The following GPC6 variants were observed in gnomAD, a reference collection of about 807,000 sequenced individuals.
GPC6 encodes glypican-6.
In GPC6, 14 loss-of-function variants were observed where a neutral mutation model predicts 55.2. That is an observed-to-expected ratio of 0.25 (90% CI 0.17 to 0.40). The LOEUF (loss-of-function observed/expected upper bound fraction) is 0.40, where lower values mean the gene tolerates loss of function less well. Ranked by LOEUF, GPC6 falls within the 10% of genes least tolerant of loss-of-function variation. GPC6 has a pLI of 1.00. For missense variants in GPC6, 641 were observed against 708.5 expected (o/e 0.90, Z 1.08); for synonymous variants, 278 against 259.6 (o/e 1.07, Z -0.68).
At chr13:93,973,737 G>A (rs1483491473) in intron 3 of GPC6, among the ~76,000 whole-genome samples, 1 of 152,120 alleles carries the variant, frequency 6.6e-6, no homozygotes, top group Non-Finnish European at 1.5e-5. Context: ...TTTCTTAACT[G>A]AGAACATAAA....
intron 2 of GPC6, among the ~76,000 whole-genome samples, chr13:93,649,506 T>C (rs1880319519): frequency 6.6e-6 from 1 of 152,168 alleles, no homozygotes; most frequent in African/African-American, 2.4e-5. Flanking sequence ...CAACGCATGG[T>C]ATATTTTTTT....
chr13:93,652,179 A>G (rs1052699066), intron 2 of GPC6, among the ~76,000 whole-genome samples: 19 of 152,202 alleles, frequency 1.2e-4, no homozygotes, highest in Non-Finnish European at 2.4e-4. Flanking sequence ...GTTTGTCTAA[A>G]GATTTTATAG....
At chr13:93,787,104 A>G (rs1885838127) in intron 2 of GPC6, among the ~76,000 whole-genome samples, 1 of 152,220 alleles carries the variant, frequency 6.6e-6, no homozygotes, top group Admixed American at 6.5e-5. Context: ...TGTTTTCTTT[A>G]ACAGTTCCAC....
chr13:93,461,379 T>C (rs983101364), intron 1 of GPC6, among the ~76,000 whole-genome samples: 1 of 152,188 alleles, frequency 6.6e-6, no homozygotes, highest in African/African-American at 2.4e-5. Context: ...ATGAAAAGCA[T>C]CTAAAATTTC....
At chr13:93,295,324 A>C (rs1036667562) in intron 1 of GPC6, among the ~76,000 whole-genome samples, 3 of 150,844 alleles carry the variant, frequency 2.0e-5, no homozygotes, top group African/African-American at 7.3e-5. Context: ...GAGAAAAAAG[A>C]AAGAAAGAAA....
chr13:93,744,724 G>A (rs1021793180), intron 2 of GPC6, among the ~76,000 whole-genome samples: 2 of 151,372 alleles, frequency 1.3e-5, no homozygotes, highest in African/African-American at 4.9e-5. Context: ...TGGATCACGA[G>A]TTCGAGACCA....
intron 3 of GPC6, among the ~76,000 whole-genome samples, chr13:93,979,325 G>C (rs554644181): frequency 7.2e-6 from 1 of 139,828 alleles, no homozygotes; most frequent in African/African-American, 2.8e-5. Context: ...GTGTTTGTGT[G>C]TGTTTTTTTG....
chr13:93,931,592 C>T (rs923732667), intron 3 of GPC6, among the ~76,000 whole-genome samples: 8 of 151,778 alleles, frequency 5.3e-5, no homozygotes, highest in Admixed American at 3.3e-4. Context: ...GGCGAAACCC[C>T]GTCTCTACTA....
intron 6 of GPC6, among the ~76,000 whole-genome samples, chr13:94,353,586 T>TAC (rs1878657221): frequency 6.6e-6 from 1 of 151,830 alleles, no homozygotes; most frequent in African/African-American, 2.4e-5. Flanking sequence ...TATATATATA[T>TAC]ATACACACAC....
chr13:94,121,519 A>G (rs1243453926), intron 4 of GPC6, among the ~76,000 whole-genome samples: 3 of 152,290 alleles, frequency 2.0e-5, no homozygotes, highest in South Asian at 4.1e-4. Context: ...TTTCATTTCT[A>G]TAACTGGTAA....
In GPC6 at chr13:93,701,442, G is replaced by A. The variant is rs376879161; in HGVS notation, c.320-128712G>A. The stretch of plus-strand genomic sequence containing the variant: ...ATCTGAGCACTGAGAGAGTTTTACT[G>A]TTTTTTTTCTGATGGAGGGTATTGT... On this transcript the variant is annotated intron_variant, in intron 2 of 8. Coordinates refer to ENST00000377047, the MANE Select transcript of GPC6 (RefSeq NM_005708.5). 3.3e-5 allele frequency among the ~76,000 whole-genome samples: 5 copies of A among 151,760 alleles called. No individual in the cohort carries two copies. The East Asian group carries it at 7.8e-4, about 24-fold the overall frequency.
intron 4 of GPC6, among the ~76,000 whole-genome samples, chr13:94,038,358 G>T (rs1217641552): frequency 6.6e-6 from 1 of 151,676 alleles, no homozygotes; most frequent in Non-Finnish European, 1.5e-5. Flanking sequence ...TTTTTGCTTA[G>T]ACCTAGACTA....
chr13:94,010,112 G>T (rs1188397546), intron 3 of GPC6, among the ~76,000 whole-genome samples: 3 of 152,154 alleles, frequency 2.0e-5, no homozygotes, highest in Non-Finnish European at 2.9e-5. Context: ...TGCTTATTAT[G>T]AGAGAAAATG....
chr13:93,594,104 G>T (rs1304304879), intron 2 of GPC6, among the ~76,000 whole-genome samples: 1 of 151,962 alleles, frequency 6.6e-6, no homozygotes, highest in Non-Finnish European at 1.5e-5. Context: ...GAGAGGATGG[G>T]AGCTTAGAGG....
At chr13:93,500,271 T>C (rs1880471989) in intron 1 of GPC6, among the ~76,000 whole-genome samples, 1 of 152,172 alleles carries the variant, frequency 6.6e-6, no homozygotes. Flanking sequence ...TGATGATTCC[T>C]GTAATAACTT....
At chr13:93,521,510 G>C (rs929043707) in intron 1 of GPC6, among the ~76,000 whole-genome samples, 1 of 151,882 alleles carries the variant, frequency 6.6e-6, no homozygotes, top group East Asian at 1.9e-4. Flanking sequence ...GTGAACGCTG[G>C]TGCAGGCTGA....
intron 2 of GPC6, among the ~76,000 whole-genome samples, chr13:93,732,423 G>C (rs1468565834): frequency 1.3e-5 from 2 of 152,088 alleles, no homozygotes; most frequent in African/African-American, 4.8e-5. Context: ...GACAAGCAAT[G>C]AGACCCCTGG....
intron 1 of GPC6, among the ~76,000 whole-genome samples, chr13:93,263,309 A>C (rs1877212293): frequency 6.6e-6 from 1 of 151,632 alleles, no homozygotes; most frequent in African/African-American, 2.4e-5. Context: ...GTCATGTGAA[A>C]TTGCTGCTTG....
chr13:93,728,731 T>G (rs949380887), intron 2 of GPC6, among the ~76,000 whole-genome samples: 1 of 151,964 alleles, frequency 6.6e-6, no homozygotes, highest in African/African-American at 2.4e-5. Context: ...CATGCCTGGC[T>G]AATTTTTGTA....
Sources: gnomAD v4.1 joint callset for allele counts (sites outside exome capture counted in the v4.1 genomes callset) on GRCh38, gnomAD v4.1.1 for gene constraint, MANE v1.5 for transcripts, NCBI Gene and HGNC (gene_info 2026-07-23, HGNC 2026-07-21) for gene names.